The following CNNM2 variants were observed in gnomAD, a reference collection of about 807,000 sequenced individuals.
CNNM2 encodes the protein metal transporter CNNM2.
CNNM2 carries 12 observed loss-of-function variants against 66.9 expected under a neutral mutation model. That is an observed-to-expected ratio of 0.18 (90% CI 0.11 to 0.29). The LOEUF (loss-of-function observed/expected upper bound fraction) is 0.29, where lower values mean the gene tolerates loss of function less well. Among genes scored for constraint, CNNM2 ranks in the 10% least tolerant of loss-of-function variants. The probability of loss-of-function intolerance (pLI) is 1.00; values close to 1 mark genes in which losing one functional copy is unlikely to be tolerated. For missense variants in CNNM2, 705 were observed against 1,167.7 expected (o/e 0.60, Z 5.77); for synonymous variants, 557 against 501.8 (o/e 1.11, Z -1.47).
At position 103,088,984 on chromosome 10, in the gene CNNM2, G is replaced by C. The variant is rs895009915; in HGVS notation, c.*11804G>C. The stretch of plus-strand genomic sequence containing the variant: ...TAGATTTATCACAGATAAGAAGGAG[G>C]TTGTTTTTGGATAACAAATAAGCAT... On this transcript the variant is annotated 3_prime_UTR_variant, in exon 8 of 8. Transcript: ENST00000369878. The C allele has an allele frequency of 4.8e-6, 1 of 209,118 alleles. No individual in the cohort carries two copies. The highest frequency in any genetic ancestry group is 9.7e-6 in the Non-Finnish European group (1 of 102,828). The allele number at this position is 209,118 out of a possible 1,614,324, so 13.0% of individuals were successfully genotyped here. A position where few individuals can be genotyped will look rare whatever the true frequency, so the allele number is the denominator to read the frequency against.
intron 1 of CNNM2, among the ~76,000 whole-genome samples, chr10:102,924,045 C>A (rs1845756741): frequency 6.6e-6 from 1 of 152,182 alleles, no homozygotes; most frequent in Non-Finnish European, 1.5e-5. Flanking sequence ...ATGCAAGGAA[C>A]CTTTCTCTTT....
chr10:103,004,425 CTG>C (rs1289950383), intron 1 of CNNM2, among the ~76,000 whole-genome samples: 1 of 152,178 alleles, frequency 6.6e-6, no homozygotes, highest in Non-Finnish European at 1.5e-5. Flanking sequence ...TGGTGGACAT[CTG>C]TGTGCATTTC....
chr10:103,066,098 G>A (rs1260490358), intron 4 of CNNM2, among the ~76,000 whole-genome samples: 2 of 152,158 alleles, frequency 1.3e-5, no homozygotes, highest in Non-Finnish European at 2.9e-5. Flanking sequence ...GCGGCCTTGA[G>A]CACCTTGAGG....
chr10:103,055,837 A>G (rs1385888278), intron 3 of CNNM2, among the ~76,000 whole-genome samples: 1 of 152,178 alleles, frequency 6.6e-6, no homozygotes, highest in Non-Finnish European at 1.5e-5. Flanking sequence ...ATGGTGGCTC[A>G]TTGCCTGTAA....
At chr10:102,986,558 G>A (rs1009921269) in intron 1 of CNNM2, among the ~76,000 whole-genome samples, 5 of 151,920 alleles carry the variant, frequency 3.3e-5, no homozygotes, top group African/African-American at 1.2e-4. Context: ...CGAGGTGGGC[G>A]GATCACGAGG....
At chr10:102,998,260 A>T (rs890052136) in intron 1 of CNNM2, among the ~76,000 whole-genome samples, 1 of 152,220 alleles carries the variant, frequency 6.6e-6, no homozygotes, top group African/African-American at 2.4e-5. Flanking sequence ...ACCTGTATCT[A>T]CAGCAGGGAA....
In CNNM2 at chr10:102,922,783, A is replaced by G. The variant is rs549818424; in HGVS notation, c.1621+2682A>G. 1.6e-3 allele frequency among the ~76,000 whole-genome samples: 241 copies of G among 152,246 alleles called. 5 individuals carry two copies. In the South Asian group the frequency reaches 0.048, roughly 30 times the overall value. The stretch of plus-strand genomic sequence containing the variant: ...TGGTGACACCCCGTGCCTACAAAAA[A>G]TACAAAAATTAGCTGGGCGTGGTGG... On this transcript the variant is annotated intron_variant, in intron 1 of 7. Coordinates refer to ENST00000369878, the MANE Select transcript of CNNM2 (RefSeq NM_017649.5).
chr10:103,031,577 T>G lies in CNNM2; in HGVS notation c.1622-18130T>G, dbSNP rs141032149. On this transcript the variant is annotated intron_variant, in intron 1 of 7. Transcript: ENST00000369878. ...GCATGAAATGTGTGAAACCAAAAAG[T>G]GGCTGGTGGAAAAACTTTCCACTCA... is the stretch of plus-strand genomic sequence containing the variant. 5.1e-4 allele frequency among the ~76,000 whole-genome samples: 78 copies of G among 152,290 alleles called. 1 individual carries two copies. The South Asian group carries it at 7.0e-3, about 14-fold the overall frequency.
chr10:102,978,351 T>C (rs2063670110), intron 1 of CNNM2, among the ~76,000 whole-genome samples: 1 of 152,046 alleles, frequency 6.6e-6, no homozygotes, highest in Admixed American at 6.6e-5. Flanking sequence ...TTAATGGCCG[T>C]CCTGTCTTTC....
At chr10:102,986,191 A>C (rs1413584561) in intron 1 of CNNM2, among the ~76,000 whole-genome samples, 1 of 152,186 alleles carries the variant, frequency 6.6e-6, no homozygotes, top group Non-Finnish European at 1.5e-5. Flanking sequence ...CTCACTCTAC[A>C]ACTAGATATT....
Position 102,946,085 on chromosome 10 carries a change from G to A in CNNM2, c.1621+25984G>A, listed in dbSNP as rs1407877553. On this transcript the variant is annotated intron_variant, in intron 1 of 7. Transcript: ENST00000369878. ...TGGAAAATGCAAAGCCATTTTACGT[G>A]TTGAGCAAGTCCTTCAGGAACATGG... 2.0e-5 allele frequency among the ~76,000 whole-genome samples: 3 copies of A among 152,128 alleles called. No individual in the cohort carries two copies. In the East Asian group the frequency reaches 5.8e-4, roughly 29 times the overall value.
intron 1 of CNNM2, among the ~76,000 whole-genome samples, chr10:102,990,638 C>G (rs781284285): frequency 6.6e-6 from 1 of 152,086 alleles, no homozygotes; most frequent in African/African-American, 2.4e-5. Context: ...AAGGGGTGGG[C>G]GTAGAATGAG....
chr10:103,002,402 T>G (rs1265638452), intron 1 of CNNM2, among the ~76,000 whole-genome samples: 1 of 151,686 alleles, frequency 6.6e-6, no homozygotes, highest in Non-Finnish European at 1.5e-5. Flanking sequence ...GACAGCACTT[T>G]GTACTCACTA....
At chr10:103,030,229 A>C (rs978224383) in intron 1 of CNNM2, among the ~76,000 whole-genome samples, 1 of 152,210 alleles carries the variant, frequency 6.6e-6, no homozygotes, top group African/African-American at 2.4e-5. Flanking sequence ...AAGAACTTAA[A>C]CGTTCCTAAA....
chr10:102,963,507 A>G (rs1157801806), intron 1 of CNNM2, among the ~76,000 whole-genome samples: 3 of 152,224 alleles, frequency 2.0e-5, no homozygotes, highest in East Asian at 1.9e-4. Context: ...TCAACTTAGC[A>G]TGAAGATTAA....
chr10:102,969,402 C>G (rs561886476), intron 1 of CNNM2, among the ~76,000 whole-genome samples: 1 of 151,142 alleles, frequency 6.6e-6, no homozygotes, highest in Non-Finnish European at 1.5e-5. Flanking sequence ...TTAGTAGGGA[C>G]GGGGTTTCAC....
intron 1 of CNNM2, among the ~76,000 whole-genome samples, chr10:103,042,896 T>A (rs1248310026): frequency 6.6e-6 from 1 of 152,220 alleles, no homozygotes; most frequent in Admixed American, 6.5e-5. Context: ...CTTGGAGAGC[T>A]TTTGCTTCTT....
At chr10:103,049,653 T>A in intron 1 of CNNM2, 54 bp from the exon 2 acceptor site, 3 of 1,546,930 alleles carry the variant, frequency 1.9e-6, no homozygotes, top group Non-Finnish European at 2.7e-6. Context: ...ACATATAACA[T>A]GTCATTCAGA....
intron 1 of CNNM2, among the ~76,000 whole-genome samples, chr10:102,928,796 C>G (rs1473627656): frequency 6.6e-6 from 1 of 152,058 alleles, no homozygotes; most frequent in Non-Finnish European, 1.5e-5. Context: ...CCCCAAAGGC[C>G]CCACCTCTTA....
Sources: gnomAD v4.1 joint callset for allele counts (sites outside exome capture counted in the v4.1 genomes callset) on GRCh38, gnomAD v4.1.1 for gene constraint, MANE v1.5 for transcripts, NCBI Gene and HGNC (gene_info 2026-07-23, HGNC 2026-07-21) for gene names.